Variants in LRRC4C observed in about 807,000 individuals in gnomAD.
LRRC4C encodes the protein leucine-rich repeat-containing protein 4C.
In LRRC4C, 5 loss-of-function variants were observed where a neutral mutation model predicts 33.6. That is an observed-to-expected ratio of 0.15 (90% CI 0.08 to 0.31). LRRC4C has a LOEUF of 0.31. Among genes scored for constraint, LRRC4C ranks in the 10% least tolerant of loss-of-function variants. The pLI is 1.00. For missense variants in LRRC4C, 560 were observed against 796.7 expected (o/e 0.70, Z 3.58); for synonymous variants, 329 against 302.0 (o/e 1.09, Z -0.93).
chr11:41,421,666 G>A (rs990771530), intron 1 of LRRC4C, among the ~76,000 whole-genome samples: 2 of 151,912 alleles, frequency 1.3e-5, no homozygotes, highest in Non-Finnish European at 2.9e-5. Flanking sequence ...CCAAGTTTAC[G>A]TAGATCAAAA....
intron 1 of LRRC4C, among the ~76,000 whole-genome samples, chr11:41,267,097 T>G (rs767436712): frequency 1.3e-5 from 2 of 152,124 alleles, no homozygotes; most frequent in Non-Finnish European, 2.9e-5. Flanking sequence ...CATTCAAAAT[T>G]TTAGTATCTA....
intron 4 of LRRC4C, among the ~76,000 whole-genome samples, chr11:40,271,794 T>C (rs945202025): frequency 1.3e-5 from 2 of 152,210 alleles, no homozygotes; most frequent in Non-Finnish European, 2.9e-5. Context: ...ATCAATGGAT[T>C]CATTTCATAT....
chr11:41,279,914 A>C (rs1333350783), intron 1 of LRRC4C, among the ~76,000 whole-genome samples: 1 of 151,804 alleles, frequency 6.6e-6, no homozygotes, highest in African/African-American at 2.4e-5. Context: ...CATTATATCA[A>C]ATATGAACTG....
At chr11:40,354,469 G>C (rs1366508242) in intron 3 of LRRC4C, among the ~76,000 whole-genome samples, 1 of 152,082 alleles carries the variant, frequency 6.6e-6, no homozygotes, top group Non-Finnish European at 1.5e-5. Flanking sequence ...TGTTTTCTCG[G>C]AGCCAGGGCC....
intron 3 of LRRC4C, among the ~76,000 whole-genome samples, chr11:40,578,611 G>A (rs1390177): frequency 0.052 from 7,979 of 151,996 alleles, 301 homozygotes; most frequent in Admixed American, 0.092. Context: ...CCTAGAAAAT[G>A]GAAAAGACTA....
intron 2 of LRRC4C, among the ~76,000 whole-genome samples, chr11:40,751,329 C>T (rs960897881): frequency 3.9e-5 from 6 of 152,028 alleles, no homozygotes; most frequent in African/African-American, 1.2e-4. Context: ...AGTCAAATTG[C>T]CCCTCTGCTG....
At chr11:41,123,282 T>C (rs1342668824) in intron 1 of LRRC4C, among the ~76,000 whole-genome samples, 1 of 107,078 alleles carries the variant, frequency 9.3e-6, no homozygotes, top group Non-Finnish European at 2.0e-5. Context: ...TTTTTTTTTT[T>C]TTTTTTTTGA....
intron 2 of LRRC4C, among the ~76,000 whole-genome samples, chr11:40,865,745 A>G (rs75062797): frequency 0.075 from 11,368 of 151,962 alleles, 821 homozygotes; most frequent in African/African-American, 0.19. Context: ...TTCTTTTTAA[A>G]GAGCATAAAC....
downstream of LRRC4C, chr11:40,114,204 T>C (rs1048811154): frequency 6.7e-6 from 5 of 743,194 alleles, no homozygotes; most frequent in African/African-American, 1.8e-5. Context: ...CATAATTTTG[T>C]CTGCTTTAGA....
chr11:41,263,160 T>C (rs1169410335), intron 1 of LRRC4C, among the ~76,000 whole-genome samples: 1 of 152,160 alleles, frequency 6.6e-6, no homozygotes, highest in Non-Finnish European at 1.5e-5. Flanking sequence ...ACCAAAACTG[T>C]TGGTTTGAAA....
chr11:40,690,932 C>T (rs973452773), intron 2 of LRRC4C, among the ~76,000 whole-genome samples: 30 of 151,846 alleles, frequency 2.0e-4, no homozygotes, highest in African/African-American at 7.3e-4. Context: ...TCAAATGGCT[C>T]CAGAGACCAA....
intron 1 of LRRC4C, among the ~76,000 whole-genome samples, chr11:41,218,139 C>A (rs1239881138): frequency 4.9e-5 from 7 of 142,762 alleles, no homozygotes; most frequent in African/African-American, 5.1e-5. Flanking sequence ...TCAAGGTCAC[C>A]AAAAAAAAAA....
At chr11:40,449,155 A>G (rs960324209) in intron 3 of LRRC4C, among the ~76,000 whole-genome samples, 3 of 152,018 alleles carry the variant, frequency 2.0e-5, no homozygotes, top group Admixed American at 2.0e-4. Context: ...CCTTTCTCAG[A>G]TGGTTAGATT....
chr11:40,568,649 A>G (rs17487816), intron 3 of LRRC4C, among the ~76,000 whole-genome samples: 1 of 152,088 alleles, frequency 6.6e-6, no homozygotes, highest in African/African-American at 2.4e-5. Flanking sequence ...TCTGGACCAC[A>G]CTGAACACCC....
chr11:40,666,986 T>C (rs1943844656), intron 2 of LRRC4C, among the ~76,000 whole-genome samples: 2 of 152,184 alleles, frequency 1.3e-5, no homozygotes, highest in South Asian at 2.1e-4. Flanking sequence ...ATGGTTTTTG[T>C]CAAGTACTTA....
At chr11:41,149,106 CAAAA>C (rs201071955) in intron 1 of LRRC4C, among the ~76,000 whole-genome samples, 1 of 151,652 alleles carries the variant, frequency 6.6e-6, no homozygotes, top group African/African-American at 2.4e-5. Flanking sequence ...CAGAAAAAAA[CAAAA>C]AAGGATCATT....
intron 1 of LRRC4C, among the ~76,000 whole-genome samples, chr11:41,023,185 T>A (rs1856105720): frequency 6.6e-6 from 1 of 151,804 alleles, no homozygotes; most frequent in Admixed American, 6.6e-5. Flanking sequence ...AATGGACACT[T>A]AAAAACTTGA....
chr11:40,349,722 T>C (rs1001731674), intron 3 of LRRC4C, among the ~76,000 whole-genome samples: 2 of 152,198 alleles, frequency 1.3e-5, no homozygotes, highest in African/African-American at 4.8e-5. Context: ...CTCCACATTC[T>C]TGCCAGCATT....
chr11:41,070,052 A>T (rs2135417368), intron 1 of LRRC4C, among the ~76,000 whole-genome samples: 1 of 152,326 alleles, frequency 6.6e-6, no homozygotes, highest in African/African-American at 2.4e-5. Context: ...ACAGCATGGT[A>T]CTGGTACAAA....
Sources: allele counts gnomAD v4.1 joint callset (sites outside exome capture counted in the v4.1 genomes callset), GRCh38; gene constraint gnomAD v4.1.1; transcripts MANE v1.5; gene names NCBI Gene and HGNC (gene_info 2026-07-23, HGNC 2026-07-21).